The following GPC6 variants were observed in gnomAD, a reference collection of about 807,000 sequenced individuals.
GPC6 encodes the protein glypican 6, also known as glypican-6.
Under a neutral mutation model 55.2 loss-of-function variants are expected in GPC6, and 14 were observed. That is an observed-to-expected ratio of 0.25 (90% CI 0.17 to 0.40). GPC6 has a LOEUF of 0.40. GPC6 is among the 10% of genes least tolerant of loss of function. GPC6 has a pLI of 1.00. For missense variants in GPC6, 641 were observed against 708.5 expected (o/e 0.90, Z 1.08); for synonymous variants, 278 against 259.6 (o/e 1.07, Z -0.68).
At chr13:94,088,640 A>G (rs1467792760) in intron 4 of GPC6, among the ~76,000 whole-genome samples, 1 of 152,022 alleles carries the variant, frequency 6.6e-6, no homozygotes, top group Non-Finnish European at 1.5e-5. Context: ...TAGCTACTAT[A>G]GCCTCTTCTC....
chr13:93,432,422 T>TG (rs1286285077), intron 1 of GPC6, among the ~76,000 whole-genome samples: 1 of 152,104 alleles, frequency 6.6e-6, no homozygotes, highest in Non-Finnish European at 1.5e-5. Flanking sequence ...AGCTGGGCCA[T>TG]GAAGGGTGCA....
Position 93,545,585 on chromosome 13 carries a change from AT to A in GPC6, c.319+177del, listed in dbSNP as rs397851797. 0.081 allele frequency among the ~76,000 whole-genome samples: 11,874 copies of A among 145,958 alleles called. 1,409 individuals are homozygous for A. Among genetic ancestry groups the A allele is most frequent in the African/African-American group, 0.27 (10,830 of 40,458 alleles). ...AAAAGCATGAGTTTTCTTGACAGTAATTTTTTTTTTTTTAGTAATATCTTGG... is the reference window on the plus strand; with the variant it reads ...AAAAGCATGAGTTTTCTTGACAGTAATTTTTTTTTTTTAGTAATATCTTGG... On this transcript the variant is annotated intron_variant, in intron 2 of 8. Coordinates refer to ENST00000377047, the MANE Select transcript of GPC6 (RefSeq NM_005708.5).
intron 1 of GPC6, among the ~76,000 whole-genome samples, chr13:93,322,717 G>C (rs545439075): frequency 6.6e-6 from 1 of 152,062 alleles, no homozygotes; most frequent in Non-Finnish European, 1.5e-5. Flanking sequence ...TGGGATTACA[G>C]GCATGAGCCA....
intron 2 of GPC6, among the ~76,000 whole-genome samples, chr13:93,598,482 T>C (rs180960152): frequency 9.2e-5 from 14 of 152,326 alleles, no homozygotes; most frequent in African/African-American, 2.9e-4. Flanking sequence ...GCCTTTCACT[T>C]AATGAGTATT....
At chr13:94,035,190 A>G (rs1469511901) in intron 4 of GPC6, among the ~76,000 whole-genome samples, 5 of 152,074 alleles carry the variant, frequency 3.3e-5, no homozygotes, top group Non-Finnish European at 7.4e-5. Flanking sequence ...TTGACATTTG[A>G]CTTTAATAAC....
intron 1 of GPC6, among the ~76,000 whole-genome samples, chr13:93,276,495 A>AGAGAGAGAGTGTGTGTGT (rs1365006783): frequency 1.1e-5 from 1 of 94,400 alleles, no homozygotes; most frequent in African/African-American, 4.5e-5. Context: ...AGAGAGAGAG[A>AGAGAGAGAGTGTGTGTGT]GTGTGTGTGT....
rs569004683 is a variant in GPC6 at position 94,223,251 on chromosome 13, T to C, written c.878-63098T>C. Reference sequence around the variant, plus strand: ...TGGATAAATTGAAAGGATATCCTGTTTTATTAAAAACATTATAGATACTCC... The same window carrying C: ...TGGATAAATTGAAAGGATATCCTGTCTTATTAAAAACATTATAGATACTCC... On this transcript the variant is annotated intron_variant, in intron 4 of 8. Coordinates refer to ENST00000377047, the MANE Select transcript of GPC6 (RefSeq NM_005708.5). Among the ~76,000 whole-genome samples, 654 of 152,272 alleles carry C rather than the reference T, an allele frequency of 4.3e-3. 3 individuals are homozygous for C. The highest frequency in any genetic ancestry group is 0.015 in the African/African-American group (603 of 41,560).
intron 2 of GPC6, among the ~76,000 whole-genome samples, chr13:93,584,423 A>G (rs1395295861): frequency 1.3e-5 from 2 of 152,078 alleles, no homozygotes; most frequent in African/African-American, 4.8e-5. Flanking sequence ...GCTTTTTCTC[A>G]GTCTCATTCT....
intron 3 of GPC6, among the ~76,000 whole-genome samples, chr13:93,993,295 C>CTTTTT (rs545224527): frequency 1.4e-5 from 2 of 139,866 alleles, no homozygotes; most frequent in African/African-American, 2.6e-5. Context: ...TTCTTTCTTT[C>CTTTTT]TTTTTTTTTT....
chr13:94,321,447 GGGTCAAAT>G (rs1338876819), intron 6 of GPC6, among the ~76,000 whole-genome samples: 1 of 152,136 alleles, frequency 6.6e-6, no homozygotes, highest in Non-Finnish European at 1.5e-5. Flanking sequence ...TGGGATTGCT[GGGTCAAAT>G]GGTAATTCTG....
At position 94,332,596 on chromosome 13, in the gene GPC6, A is replaced by T. The variant is rs1458961070; in HGVS notation, c.1152+26473A>T. ...CTCTGGCATGGAGATACCAAAATGCAGCTAATCTGCCTTCTGAGTAGAGCT... is the reference window on the plus strand; with the variant it reads ...CTCTGGCATGGAGATACCAAAATGCTGCTAATCTGCCTTCTGAGTAGAGCT... On this transcript the variant is annotated intron_variant, in intron 6 of 8. Transcript: ENST00000377047. 3.9e-5 allele frequency among the ~76,000 whole-genome samples: 6 copies of T among 152,354 alleles called. No individual in the cohort carries two copies. The East Asian group carries it at 1.2e-3, about 29-fold the overall frequency.
chr13:94,278,795 TG>T (rs1892288575), intron 4 of GPC6, among the ~76,000 whole-genome samples: 1 of 152,138 alleles, frequency 6.6e-6, no homozygotes, highest in Admixed American at 6.6e-5. Flanking sequence ...CTGACTTGAT[TG>T]TGGTGGATGT....
intron 2 of GPC6, among the ~76,000 whole-genome samples, chr13:93,660,044 C>T (rs1880858200): frequency 6.6e-6 from 1 of 151,960 alleles, no homozygotes; most frequent in Non-Finnish European, 1.5e-5. Flanking sequence ...CTATAATCAG[C>T]ATGGCATTTC....
rs538622956 is a variant in GPC6 at position 94,149,686 on chromosome 13, G to T, written c.877+121792G>T. Among the ~76,000 whole-genome samples the T allele has an allele frequency of 2.4e-4, 36 of 152,108 alleles. 1 individual carries two copies. The South Asian group carries it at 7.5e-3, about 32-fold the overall frequency. ...CTCGATTTTTACTCAGAATCCTAGA[G>T]AAAAATGCTTAGTCAGAGGCTAACA... On this transcript the variant is annotated intron_variant, in intron 4 of 8. Transcript: ENST00000377047.
chr13:94,106,856 C>T (rs192360971), intron 4 of GPC6, among the ~76,000 whole-genome samples: 92 of 152,214 alleles, frequency 6.0e-4, no homozygotes, highest in Non-Finnish European at 9.9e-4. Flanking sequence ...AAGGAATAGG[C>T]TGGTGATGAC....
Position 93,813,468 on chromosome 13 carries a change from G to T in GPC6, c.320-16686G>T, listed in dbSNP as rs1886758678. ...TTTATAATAAGAATTTGCTTTAGAT[G>T]TTTTTCCAGCTGCGATATTGAAATG... On this transcript the variant is annotated intron_variant, in intron 2 of 8. Transcript: ENST00000377047. 2.6e-5 allele frequency among the ~76,000 whole-genome samples: 4 copies of T among 152,168 alleles called. No homozygotes were observed. The South Asian group carries it at 8.3e-4, about 32-fold the overall frequency.
intron 3 of GPC6, among the ~76,000 whole-genome samples, chr13:93,897,286 C>T (rs1424572465): frequency 6.6e-6 from 1 of 151,938 alleles, no homozygotes; most frequent in Non-Finnish European, 1.5e-5. Context: ...TTAGTATTCA[C>T]TGACTATACA....
intron 2 of GPC6, among the ~76,000 whole-genome samples, chr13:93,778,315 G>A (rs1242429889): frequency 1.3e-5 from 2 of 152,058 alleles, no homozygotes; most frequent in African/African-American, 2.4e-5. Flanking sequence ...GCAACTTTCT[G>A]TTACTGTTGG....
At chr13:93,510,888 A>G (rs1246160864) in intron 1 of GPC6, among the ~76,000 whole-genome samples, 1 of 146,052 alleles carries the variant, frequency 6.8e-6, no homozygotes, top group Non-Finnish European at 1.5e-5. Flanking sequence ...TTCCCTGATC[A>G]TAAGTGATGT....
Sources: allele counts gnomAD v4.1 joint callset (sites outside exome capture counted in the v4.1 genomes callset), GRCh38; gene constraint gnomAD v4.1.1; transcripts MANE v1.5; gene names NCBI Gene and HGNC (gene_info 2026-07-23, HGNC 2026-07-21).